The following CNDP1 variants were observed in gnomAD, a reference collection of about 807,000 sequenced individuals.
CNDP1 encodes the protein carnosine dipeptidase 1, also known as beta-Ala-His dipeptidase.
Under a neutral mutation model 58.1 loss-of-function variants are expected in CNDP1, and 44 were observed. That is an observed-to-expected ratio of 0.76 (90% confidence interval 0.60 to 0.97). The LOEUF is 0.97. CNDP1 is among the 50% of genes least tolerant of loss of function. The pLI, the probability that CNDP1 is intolerant of heterozygous loss-of-function variation, is 0.00. For missense variants in CNDP1, 616 were observed against 655.1 expected, an observed-to-expected ratio of 0.94 and a Z score of 0.65; for synonymous variants, 254 against 252.6, an observed-to-expected ratio of 1.01 and a Z score of -0.05.
At position 74,576,893 on chromosome 18, in the gene CNDP1, A is replaced by G. The variant is rs1467483171; in HGVS notation, c.866A>G (p.His289Arg). 1.2e-6 allele frequency: 2 copies of G among 1,612,966 alleles called. No homozygotes were observed. Among genetic ancestry groups the G allele is most frequent in the South Asian group, 1.1e-5 (1 of 90,658 alleles). The change falls in exon 8 of 12, where the codon CAT (histidine) becomes CGT (arginine). Residue 289 changes from histidine to arginine, a missense_variant. By Grantham distance (29) the His-to-Arg change is conservative. Transcript: ENST00000358821. The part of the protein sequence containing the change: ...LLGSLVDSSG[H>R]ILVPGIYDEV... ...GGTAGCCTGGTAGACTCGTCTGGTC[A>G]TATCCTGGTCCCTGGAATCTATGAT...
At chr18:74,560,663 G>A (rs773715482) in intron 3 of CNDP1, among the ~76,000 whole-genome samples, 193 bp from the exon 4 acceptor site, 4 of 151,840 alleles carry the variant, frequency 2.6e-5, no homozygotes, top group Non-Finnish European at 4.4e-5. Context: ...CAGCCTGGGC[G>A]ACAGGAGTGA....
chr18:74,583,270 G>C (rs1981831206), intron 10 of CNDP1, among the ~76,000 whole-genome samples: 1 of 152,246 alleles, frequency 6.6e-6, no homozygotes, highest in Non-Finnish European at 1.5e-5. Context: ...GCCTCCCAAA[G>C]TGCTGGGATT....
At chr18:74,563,480 A>G (rs1421071190) in intron 5 of CNDP1, among the ~76,000 whole-genome samples, 1 of 152,198 alleles carries the variant, frequency 6.6e-6, no homozygotes, top group African/African-American at 2.4e-5. Flanking sequence ...TTCAACTCTG[A>G]AAATTACATA....
At chr18:74,570,754 G>T (rs558264733) in intron 6 of CNDP1, among the ~76,000 whole-genome samples, 1 of 152,322 alleles carries the variant, frequency 6.6e-6, no homozygotes, top group East Asian at 1.9e-4. Flanking sequence ...ATTACAGGAG[G>T]TATCAATAGA....
chr18:74,545,207 C>A lies in CNDP1; in HGVS notation c.24+10516C>A, dbSNP rs1375885784. ...GCAGCCTGAGGAAGCTAGTGGAGAC[C>A]GATGGGAAAGCCCCGCCCTCTCCTC... is the stretch of plus-strand genomic sequence containing the variant. On this transcript the variant is annotated intron_variant, in intron 1 of 11. Coordinates refer to ENST00000358821, the MANE Select transcript of CNDP1 (RefSeq NM_032649.6). The surrounding 1 kb of genome is among the most constrained non-coding windows in gnomAD (Gnocchi z 4.1). 2.0e-5 allele frequency among the ~76,000 whole-genome samples: 3 copies of A among 152,214 alleles called. No homozygotes were observed. The highest frequency in any genetic ancestry group is 4.4e-5 in the Non-Finnish European group (3 of 68,034).
At chr18:74,541,543 T>C (rs1333675123) in intron 1 of CNDP1, among the ~76,000 whole-genome samples, 2 of 152,168 alleles carry the variant, frequency 1.3e-5, no homozygotes, top group Non-Finnish European at 2.9e-5. Flanking sequence ...CTGATCCCAG[T>C]GCAGAGCTCC....
chr18:74,552,403 C>T (rs1980933917), intron 1 of CNDP1, among the ~76,000 whole-genome samples: 1 of 152,062 alleles, frequency 6.6e-6, no homozygotes, highest in Non-Finnish European at 1.5e-5. Context: ...TTTTCATCAC[C>T]CCAAATTCAT....
chr18:74,570,200 A>AAAT (rs112491367), intron 6 of CNDP1, among the ~76,000 whole-genome samples: 5 of 70,118 alleles, frequency 7.1e-5, no homozygotes, highest in African/African-American at 1.6e-4. Flanking sequence ...CTCTGTCTCA[A>AAAT]AATAATAATA....
intron 5 of CNDP1, among the ~76,000 whole-genome samples, chr18:74,563,602 G>A (rs1013208205): frequency 1.3e-5 from 2 of 152,160 alleles, no homozygotes; most frequent in African/African-American, 2.4e-5. Context: ...TCACAAGCTC[G>A]CAGGGATTCA....
At chr18:74,579,330 TCCATCCCCTCC>T (rs1981728637) in intron 9 of CNDP1, among the ~76,000 whole-genome samples, 1 of 66,582 alleles carries the variant, frequency 1.5e-5, no homozygotes, top group Admixed American at 1.9e-4. Flanking sequence ...CCCTCCCCTC[TCCATCCCCTCC>T]CCCTCCCCTC....
chr18:74,582,962 C>G (rs1981823892), intron 10 of CNDP1, among the ~76,000 whole-genome samples: 1 of 152,206 alleles, frequency 6.6e-6, no homozygotes. Flanking sequence ...CTAAATTCTA[C>G]ACTTTTCTAA....
At chr18:74,563,304 C>G (rs894619829) in intron 5 of CNDP1, among the ~76,000 whole-genome samples, 1 of 152,118 alleles carries the variant, frequency 6.6e-6, no homozygotes, top group Non-Finnish European at 1.5e-5. Flanking sequence ...GCATCACATA[C>G]GCCCTGAGCA....
At position 74,559,429 on chromosome 18, in the gene CNDP1, G is replaced by A. The variant is rs149276831; in HGVS notation, c.260G>A (p.Arg87His). 16 of 1,612,364 alleles carry A rather than the reference G, an allele frequency of 9.9e-6. No individual in the cohort carries two copies. The East Asian group carries it at 1.8e-4, about 18-fold the overall frequency. ...MMAVAADTLQRLGARVASVDM... is the reference protein window; with the variant it reads ...MMAVAADTLQHLGARVASVDM... ...GCCGTGGCTGCGGACACGCTGCAGCGCCTGGGGGCCCGTGTGGCCTCGGTG... is the reference window on the plus strand; with the variant it reads ...GCCGTGGCTGCGGACACGCTGCAGCACCTGGGGGCCCGTGTGGCCTCGGTG... The change falls in exon 3 of 12, where the codon CGC (arginine) becomes CAC (histidine). Residue 87 changes from arginine to histidine, a missense_variant. Transcript: ENST00000358821.
In CNDP1 at chr18:74,587,068, C is replaced by A. The variant is rs549194552; in HGVS notation, c.*2506C>A. ...TATCTGGCTTTGTTAGTAGACGTAG[C>A]GCATTAAAGCGTAACTATTGTGATA... On this transcript the variant is annotated 3_prime_UTR_variant, in exon 12 of 12. Transcript: ENST00000358821. 2 of 152,080 alleles carry A rather than the reference C, an allele frequency of 1.3e-5. No individual in the cohort carries two copies. The highest frequency in any genetic ancestry group is 2.1e-4 in the South Asian group (1 of 4,808). The allele number at this position is 152,080 out of a possible 1,614,324, so 9.4% of individuals were successfully genotyped here. A position where few individuals can be genotyped will look rare whatever the true frequency, so the allele number is the denominator to read the frequency against.
chr18:74,534,542 GGGGACAACGT>G lies in CNDP1; in HGVS notation c.-122_-113del, dbSNP rs1980434783. ...CTATACCAGCCTCGTCTTCCTTCCG[GGGGACAACGT>G]GGGTCAGGGCACAGAGAGATATTTA... On this transcript the variant is annotated 5_prime_UTR_variant, in exon 1 of 12. Transcript: ENST00000358821. 1 of 969,930 alleles carries G rather than the reference GGGGACAACGT, an allele frequency of 1.0e-6. No individual in the cohort carries two copies. Among genetic ancestry groups the G allele is most frequent in the African/African-American group, 1.6e-5 (1 of 62,618 alleles). 60.1% of individuals were successfully genotyped at this position (969,930 alleles called of 1,614,324 possible).
intron 1 of CNDP1, among the ~76,000 whole-genome samples, chr18:74,549,924 G>A (rs1599088572): frequency 6.6e-6 from 1 of 152,224 alleles, no homozygotes; most frequent in African/African-American, 2.4e-5. Flanking sequence ...TCCACATGGT[G>A]TTAAGCCTAC....
chr18:74,569,795 G>A (rs1981424497), intron 6 of CNDP1, among the ~76,000 whole-genome samples: 1 of 152,064 alleles, frequency 6.6e-6, no homozygotes, highest in South Asian at 2.1e-4. Flanking sequence ...ACTCCACAAG[G>A]CAGTCAGTAT....
At chr18:74,547,163 G>T (rs149741725) in intron 1 of CNDP1, among the ~76,000 whole-genome samples, 368 of 152,326 alleles carry the variant, frequency 2.4e-3, no homozygotes, top group African/African-American at 8.6e-3. Context: ...TTAAAATCCT[G>T]TGATGGTGAG....
chr18:74,540,549 G>A (rs1488229938), intron 1 of CNDP1, among the ~76,000 whole-genome samples: 1 of 152,184 alleles, frequency 6.6e-6, no homozygotes, highest in African/African-American at 2.4e-5. Context: ...AGAGGGAATG[G>A]CAACAGCTCT....
Sources: allele counts gnomAD v4.1 joint callset (sites outside exome capture counted in the v4.1 genomes callset), GRCh38; gene constraint gnomAD v4.1.1; non-coding constraint Gnocchi (gnomAD v3.1); transcripts MANE v1.5; gene names NCBI Gene and HGNC (gene_info 2026-07-23, HGNC 2026-07-21).